Variants in SDK1 observed in about 807,000 individuals in gnomAD.
The protein encoded by SDK1 is protein sidekick-1.
In SDK1, 157 loss-of-function variants were observed where a neutral mutation model predicts 245.5. The observed-to-expected ratio is 0.64, with a 90% CI of 0.56 to 0.73. The LOEUF (loss-of-function observed/expected upper bound fraction) is 0.73, where lower values mean the gene tolerates loss of function less well. Among genes scored for constraint, SDK1 ranks in the 30% least tolerant of loss-of-function variants. The probability of loss-of-function intolerance (pLI) is 0.00; values close to 1 mark genes in which losing one functional copy is unlikely to be tolerated. For missense variants in SDK1, 3,583 were observed against 3,002.3 expected (o/e 1.19, Z -4.52); for synonymous variants, 1,647 against 1,278.5 (o/e 1.29, Z -6.15).
At chr7:3,962,573 C>T (rs564207272) in intron 8 of SDK1, 84 bp from the exon 9 acceptor site, 65 of 1,177,704 alleles carry the variant, frequency 5.5e-5, no homozygotes, top group Non-Finnish European at 7.3e-5. Flanking sequence ...AAAATATTGG[C>T]ATTCTAGCCT....
intron 1 of SDK1, among the ~76,000 whole-genome samples, chr7:3,437,839 A>T (rs1780074526): frequency 6.6e-6 from 1 of 152,250 alleles, no homozygotes; most frequent in Non-Finnish European, 1.5e-5. Flanking sequence ...TTGGCTGAAT[A>T]GAAGTTCCAT....
intron 4 of SDK1, among the ~76,000 whole-genome samples, chr7:3,801,540 C>A (rs1366106164): frequency 6.6e-6 from 1 of 152,172 alleles, no homozygotes; most frequent in African/African-American, 2.4e-5. Context: ...GTCCTCTCTC[C>A]TTAGCCCTAA....
chr7:3,970,783 A>G (rs1171352291), intron 11 of SDK1, among the ~76,000 whole-genome samples: 2 of 152,218 alleles, frequency 1.3e-5, no homozygotes, highest in African/African-American at 2.4e-5. Flanking sequence ...ACTAAGATGC[A>G]GAATTGTTTT....
intron 5 of SDK1, among the ~76,000 whole-genome samples, chr7:3,896,410 G>A (rs917764181): frequency 6.6e-6 from 1 of 152,106 alleles, no homozygotes; most frequent in African/African-American, 2.4e-5. Flanking sequence ...GTTATTTCCT[G>A]GCCTTGGTAG....
At chr7:3,943,846 G>A (rs919319422) in intron 5 of SDK1, among the ~76,000 whole-genome samples, 1 of 152,134 alleles carries the variant, frequency 6.6e-6, no homozygotes, top group Admixed American at 6.5e-5. Flanking sequence ...ACTAGGATTA[G>A]GCTTCATTTC....
rs2036262642 is a variant in SDK1 at position 3,974,428 on chromosome 7, T to A, written c.1877T>A (p.Val626Glu). 10 of 1,614,094 alleles carry A rather than the reference T, an allele frequency of 6.2e-6. No individual in the cohort carries two copies. The highest frequency in any genetic ancestry group is 7.6e-6 in the Non-Finnish European group (9 of 1,179,998). Reference sequence around the variant, plus strand: ...CCATCGAGCACGTCTAGGATCGTGGTGGAGAAGGACGGGTCCCTTCTCATC... The same window carrying A: ...CCATCGAGCACGTCTAGGATCGTGGAGGAGAAGGACGGGTCCCTTCTCATC... The part of the protein sequence containing the change: ...LTPSSTSRIV[V>E]EKDGSLLISQ... The change falls in exon 13 of 45, where the codon GTG (valine) becomes GAG (glutamate). Residue 626 changes from valine (V) to glutamate (E), a missense_variant. Physicochemically the swap from Val to Glu is moderately radical, Grantham distance 121. Transcript: ENST00000404826.
At chr7:3,736,803 C>G (rs374465052) in intron 4 of SDK1, among the ~76,000 whole-genome samples, 16 of 152,178 alleles carry the variant, frequency 1.1e-4, no homozygotes, top group Admixed American at 7.9e-4. Flanking sequence ...ATGAGAACCA[C>G]TAAGATCTAC....
chr7:3,580,583 C>G (rs1313340902), intron 1 of SDK1, among the ~76,000 whole-genome samples: 1 of 152,080 alleles, frequency 6.6e-6, no homozygotes, highest in Non-Finnish European at 1.5e-5. Flanking sequence ...GGATAACTGA[C>G]TAGGCATATG....
intron 5 of SDK1, among the ~76,000 whole-genome samples, chr7:3,947,968 AT>A (rs1171955637): frequency 2.0e-5 from 3 of 152,138 alleles, no homozygotes; most frequent in African/African-American, 7.2e-5. Flanking sequence ...CCTCTCTGTA[AT>A]GTTCTTTTTA....
At position 4,266,735 on chromosome 7, in the gene SDK1, G is replaced by T; in HGVS notation, c.*1351G>T. ...CTGGGCTGCCATGGTCCACCCCTCA[G>T]CCCGGGTCCCGGGTCTGGATGGAAC... On this transcript the variant is annotated 3_prime_UTR_variant, in exon 45 of 45. Transcript: ENST00000404826. 1 of 985,472 alleles carries T rather than the reference G, an allele frequency of 1.0e-6. No individual in the cohort carries two copies. Among genetic ancestry groups the T allele is most frequent in the South Asian group, 4.7e-5 (1 of 21,288 alleles). The allele number at this position is 985,472 out of a possible 1,614,324, so 61.0% of individuals were successfully genotyped here. A position where few individuals can be genotyped will look rare whatever the true frequency, so the allele number is the denominator to read the frequency against.
intron 1 of SDK1, among the ~76,000 whole-genome samples, chr7:3,341,010 C>T (rs1780335405): frequency 6.6e-6 from 1 of 152,030 alleles, no homozygotes; most frequent in Non-Finnish European, 1.5e-5. Context: ...GAGAGAAGAC[C>T]TACAAAGTCA....
At chr7:4,042,127 T>C (rs1239847120) in intron 17 of SDK1, among the ~76,000 whole-genome samples, 1 of 136,226 alleles carries the variant, frequency 7.3e-6, no homozygotes, top group Non-Finnish European at 1.5e-5. Context: ...TTGCAAATGT[T>C]TGAATGGCTG....
rs561471951 is a variant in SDK1 at position 4,189,178 on chromosome 7, C to A, written c.5098+10592C>A. Among the ~76,000 whole-genome samples, 28 of 152,226 alleles carry A rather than the reference C, an allele frequency of 1.8e-4. 1 individual carries two copies. Among genetic ancestry groups the A allele is most frequent in the African/African-American group, 6.3e-4 (26 of 41,524 alleles). ...TGCTTGCTCCCGGGAGCTGGCTGTCCCTCTGGCACGGTGCTGCTGGGCTGG... is the reference window on the plus strand; with the variant it reads ...TGCTTGCTCCCGGGAGCTGGCTGTCACTCTGGCACGGTGCTGCTGGGCTGG... On this transcript the variant is annotated intron_variant, in intron 35 of 44. Coordinates refer to ENST00000404826, the MANE Select transcript of SDK1 (RefSeq NM_152744.4).
intron 17 of SDK1, among the ~76,000 whole-genome samples, chr7:4,044,603 C>T (rs1788881123): frequency 6.6e-6 from 1 of 152,070 alleles, no homozygotes; most frequent in Admixed American, 6.6e-5. Flanking sequence ...GCCACCATGC[C>T]TGGCTACTTT....
chr7:3,870,226 A>T (rs1013593020), intron 5 of SDK1, among the ~76,000 whole-genome samples: 5 of 152,182 alleles, frequency 3.3e-5, no homozygotes, highest in Non-Finnish European at 7.3e-5. Flanking sequence ...GATTTTTGAT[A>T]TATTCAACTT....
At chr7:3,414,101 A>G (rs958234025) in intron 1 of SDK1, among the ~76,000 whole-genome samples, 1 of 152,114 alleles carries the variant, frequency 6.6e-6, no homozygotes, top group Non-Finnish European at 1.5e-5. Context: ...GCCTTGGAAG[A>G]CATATTTTTG....
chr7:4,012,684 C>A (rs1389478230), intron 16 of SDK1, among the ~76,000 whole-genome samples: 1 of 147,800 alleles, frequency 6.8e-6, no homozygotes, highest in African/African-American at 2.5e-5. Context: ...AGCAATTCTC[C>A]TGCCTCAGCC....
intron 5 of SDK1, among the ~76,000 whole-genome samples, chr7:3,853,106 C>T (rs1196461880): frequency 1.3e-5 from 2 of 151,850 alleles, no homozygotes; most frequent in African/African-American, 4.8e-5. Context: ...ACGCAGGCTT[C>T]ACATCCTGTG....
At chr7:3,589,359 T>C (rs753197804) in intron 1 of SDK1, among the ~76,000 whole-genome samples, 1 of 152,244 alleles carries the variant, frequency 6.6e-6, no homozygotes, top group Non-Finnish European at 1.5e-5. Context: ...TCAGTACTTA[T>C]TTCACAGGTG....
Sources: gnomAD v4.1 joint callset for allele counts (sites outside exome capture counted in the v4.1 genomes callset) on GRCh38, gnomAD v4.1.1 for gene constraint, MANE v1.5 for transcripts, NCBI Gene and HGNC (gene_info 2026-07-23, HGNC 2026-07-21) for gene names.